DIXDC1: variants seen among roughly 807,000 people sequenced by gnomAD.
The protein encoded by DIXDC1 is dixin.
Under a neutral mutation model 103.1 loss-of-function variants are expected in DIXDC1, and 64 were observed. That is an observed-to-expected ratio of 0.62 (90% confidence interval 0.51 to 0.76). The LOEUF is 0.76. Among genes scored for constraint, DIXDC1 ranks in the 30% least tolerant of loss-of-function variants. DIXDC1 has a pLI of 0.00. For synonymous variants in DIXDC1, 266 were observed against 298.5 expected (o/e 0.89, Z 1.12); for missense variants, 759 against 834.2 (o/e 0.91, Z 1.11).
In DIXDC1 at chr11:111,994,869, T is replaced by G. The variant is rs78043752; in HGVS notation, c.1438-150T>G. The G allele has an allele frequency of 8.1e-3, 6,066 of 748,864 alleles. 40 individuals carry two copies. The highest frequency in any genetic ancestry group is 0.01 in the Non-Finnish European group (4,794 of 476,388). The allele number at this position is 748,864 out of a possible 1,614,324, so 46.4% of individuals were successfully genotyped here. On this transcript the variant is annotated intron_variant, in intron 14 of 19. Coordinates refer to ENST00000440460, the MANE Select transcript of DIXDC1 (RefSeq NM_001037954.4). ...CCAAAAGGGGAAAAAAAATCTATAC[T>G]TAAGAAAGATACATTCTAATAAAGA...
chr11:112,000,379 T>C (rs1555175860), intron 17 of DIXDC1, among the ~76,000 whole-genome samples: 1 of 151,934 alleles, frequency 6.6e-6, no homozygotes, highest in East Asian at 1.9e-4. Flanking sequence ...GCAAAATACT[T>C]GAATAGACAT....
At chr11:111,984,684 G>C (rs1319901902) in intron 7 of DIXDC1, among the ~76,000 whole-genome samples, 10 of 152,174 alleles carry the variant, frequency 6.6e-5, no homozygotes, top group African/African-American at 2.4e-4. Context: ...AAAACCACCT[G>C]GGTCAGGAGC....
At chr11:112,018,729 C>T (rs1555178063) in intron 19 of DIXDC1, among the ~76,000 whole-genome samples, 1 of 152,158 alleles carries the variant, frequency 6.6e-6, no homozygotes, top group Non-Finnish European at 1.5e-5. Context: ...TCTTACAAAT[C>T]TCTATGAGCA....
Position 112,016,719 on chromosome 11 carries a change from T to G in DIXDC1, c.1785T>G (p.Thr595=), listed in dbSNP as rs1861601757. ...TGCCTCACTCACAGAGCTCTCCAAC[T>G]GTCAGCAGCACCTGTACTAAAGTGC... ...SKLPHSQSSP[T]VSSTCTKVLY... The change falls in exon 18 of 20, where the codon ACT becomes ACG. Residue 595 remains threonine (T), a synonymous_variant. Coordinates refer to ENST00000440460, the MANE Select transcript of DIXDC1 (RefSeq NM_001037954.4). The G allele has an allele frequency of 6.2e-7, 1 of 1,607,448 alleles. No individual in the cohort carries two copies. Among genetic ancestry groups the G allele is most frequent in the Non-Finnish European group, 8.5e-7 (1 of 1,176,726 alleles).
At chr11:111,972,960 G>T (rs1859982731) in intron 3 of DIXDC1, among the ~76,000 whole-genome samples, 1 of 151,674 alleles carries the variant, frequency 6.6e-6, no homozygotes, top group Non-Finnish European at 1.5e-5. Context: ...TCAGGAGGCT[G>T]AGGCAGGAGA....
Position 111,964,605 on chromosome 11 carries a change from A to G in DIXDC1, c.117A>G (p.Ala39=), listed in dbSNP as rs1555171332. 15 of 1,611,900 alleles carry G rather than the reference A, an allele frequency of 9.3e-6. No individual in the cohort carries two copies. Among genetic ancestry groups the G allele is most frequent in the Non-Finnish European group, 1.3e-5 (15 of 1,179,120 alleles). ...ATGCACAGCTGAAGAAGAGGCCAGC[A>G]GTGAAGCCTGTGCAGGACCTGCGAC... ...WVNAQLKKRP[A]VKPVQDLRQD... Residue 39 remains alanine (A), a synonymous_variant, in exon 2 of 20, where the codon GCA becomes GCG. Transcript: ENST00000440460.
rs782561670 is a variant in DIXDC1, at chr11:112,018,995, A to G, written c.2011A>G (p.Lys671Glu). ...TGATGCCATCCCTGGATGGGAAGGG[A>G]AAATTGTAGCTTGGGTGGAAGAAGA... ...DDDAIPGWEGKIVAWVEEDHG... is the reference protein window; with the variant it reads ...DDDAIPGWEGEIVAWVEEDHG... The change falls in exon 20 of 20, where the codon AAA (lysine) becomes GAA (glutamate). Residue 671 changes from lysine to glutamate, a missense_variant. Physicochemically the swap from Lys to Glu is moderately conservative, Grantham distance 56 (BLOSUM62 1). This residue lies in a region of DIXDC1 where 657 missense variants were observed against 727.5 expected (regional missense o/e 0.90). Transcript: ENST00000440460. 3.7e-6 allele frequency: 6 copies of G among 1,613,216 alleles called. No individual in the cohort carries two copies. The African/African-American group carries it at 5.3e-5, about 14-fold the overall frequency.
At position 112,019,187 on chromosome 11, in the gene DIXDC1, C is replaced by A; in HGVS notation, c.*151C>A. On this transcript the variant is annotated 3_prime_UTR_variant, in exon 20 of 20. Transcript: ENST00000440460. ...CAAGCATGATGGCCACAGGTCAGTC[C>A]TCTTTCTGTGCCTGGCATATCTGGT... The A allele has an allele frequency of 1.7e-6, 1 of 584,146 alleles. No homozygotes were observed. The highest frequency in any genetic ancestry group is 3.0e-6 in the Non-Finnish European group (1 of 328,064). 36.2% of individuals were successfully genotyped at this position (584,146 alleles called of 1,614,324 possible). A position where few individuals can be genotyped will look rare whatever the true frequency, so the allele number is the denominator to read the frequency against.
At chr11:111,973,134 G>A (rs1258892548) in intron 3 of DIXDC1, among the ~76,000 whole-genome samples, 2 of 151,520 alleles carry the variant, frequency 1.3e-5, no homozygotes, top group Non-Finnish European at 2.9e-5. Flanking sequence ...ACTTTGGGAG[G>A]CTGAGGCAGG....
intron 17 of DIXDC1, among the ~76,000 whole-genome samples, chr11:112,012,153 A>G (rs1861442751): frequency 6.6e-6 from 1 of 152,234 alleles, no homozygotes; most frequent in African/African-American, 2.4e-5. Context: ...TATAGCTTCA[A>G]TGCAGTTCCA....
At chr11:111,982,192 C>A in intron 6 of DIXDC1, 147 bp from the exon 7 acceptor site, 2 of 808,180 alleles carry the variant, frequency 2.5e-6, no homozygotes, top group Non-Finnish European at 3.8e-6. Context: ...GGCCTCACAA[C>A]CCCACCTGGT....
chr11:111,942,349 T>G (rs1432637738), intron 1 of DIXDC1, among the ~76,000 whole-genome samples: 2 of 152,224 alleles, frequency 1.3e-5, no homozygotes. Flanking sequence ...CTAGAAAGGC[T>G]TCATCTGCCA....
Position 111,977,579 on chromosome 11 carries a change from G to A in DIXDC1, c.656+2596G>A, listed in dbSNP as rs1413187647. On this transcript the variant is annotated intron_variant, in intron 5 of 19. Transcript: ENST00000440460. This position sits in a 1 kb window ranked among gnomAD's most constrained non-coding sequence, Gnocchi z 6.1. ...GGAGCATCCCAGTCGCTGGGGCCGAGACGCCGCCGCCGCCGCCGTTCCCGC... is the reference window on the plus strand; with the variant it reads ...GGAGCATCCCAGTCGCTGGGGCCGAAACGCCGCCGCCGCCGCCGTTCCCGC... The A allele has an allele frequency of 2.7e-6, 4 of 1,499,570 alleles. No homozygotes were observed. The African/African-American group carries it at 4.2e-5, about 16-fold the overall frequency. The allele number at this position is 1,499,570 out of a possible 1,614,324, so 92.9% of individuals were successfully genotyped here. A position where few individuals can be genotyped will look rare whatever the true frequency, so the allele number is the denominator to read the frequency against.
At chr11:111,943,657 G>A (rs1289856046) in intron 1 of DIXDC1, among the ~76,000 whole-genome samples, 1 of 151,876 alleles carries the variant, frequency 6.6e-6, no homozygotes, top group Non-Finnish European at 1.5e-5. Context: ...GTGCCACCAC[G>A]CCTGGCTAAA....
chr11:111,950,575 C>A (rs587678481), intron 1 of DIXDC1, among the ~76,000 whole-genome samples: 2 of 149,336 alleles, frequency 1.3e-5, no homozygotes, highest in South Asian at 4.3e-4. Flanking sequence ...CCTGCCTCAG[C>A]CTCCCGAGTA....
intron 17 of DIXDC1, among the ~76,000 whole-genome samples, chr11:112,011,227 A>T (rs1861410346): frequency 6.6e-6 from 1 of 152,246 alleles, no homozygotes; most frequent in Non-Finnish European, 1.5e-5. Flanking sequence ...TGGTCATCAG[A>T]GAAATGCAAA....
intron 1 of DIXDC1, among the ~76,000 whole-genome samples, chr11:111,955,940 A>C (rs1555170523): frequency 1.3e-5 from 2 of 150,906 alleles, no homozygotes; most frequent in African/African-American, 4.9e-5. Context: ...TCAAGAGCCC[A>C]TCAACTAATG....
chr11:111,966,479 C>CT (rs374924844), intron 2 of DIXDC1, among the ~76,000 whole-genome samples: 27 of 149,148 alleles, frequency 1.8e-4, no homozygotes, highest in African/African-American at 6.2e-4. Flanking sequence ...TCTCGGCTCA[C>CT]TGCAAGCTCC....
chr11:111,986,834 A>G (rs372350643), intron 8 of DIXDC1, 37 bp from the exon 9 acceptor site: 8 of 1,547,338 alleles, frequency 5.2e-6, no homozygotes, highest in African/African-American at 1.4e-5. Flanking sequence ...ACTTCACAGC[A>G]TAGGTGCTTA....
Sources: allele counts gnomAD v4.1 joint callset (sites outside exome capture counted in the v4.1 genomes callset), GRCh38; gene constraint gnomAD v4.1.1; regional missense constraint gnomAD v4.1.1; non-coding constraint Gnocchi (gnomAD v3.1); transcripts MANE v1.5; gene names NCBI Gene and HGNC (gene_info 2026-07-23, HGNC 2026-07-21).